Variants in WNT5B observed in about 807,000 individuals in gnomAD.
WNT5B encodes protein Wnt-5b.
Under a neutral mutation model 36.5 loss-of-function variants are expected in WNT5B, and 18 were observed. The observed-to-expected ratio is 0.49, with a 90% CI of 0.34 to 0.73. The LOEUF (loss-of-function observed/expected upper bound fraction) is 0.73, where lower values mean the gene tolerates loss of function less well. Ranked by LOEUF, WNT5B falls within the 30% of genes least tolerant of loss-of-function variation. WNT5B has a pLI of 0.01. For synonymous variants in WNT5B, 213 were observed against 212.3 expected (o/e 1.00, Z -0.03); for missense variants, 424 against 508.4 (o/e 0.83, Z 1.60).
At chr12:1,636,331 C>T (rs2094560534) in intron 3 of WNT5B, among the ~76,000 whole-genome samples, 1 of 151,620 alleles carries the variant, frequency 6.6e-6, no homozygotes, top group Non-Finnish European at 1.5e-5. Context: ...TTAACTGTCA[C>T]TCTGCGTACC....
intron 4 of WNT5B, 70 bp from the exon 5 acceptor site, chr12:1,645,724 T>C: frequency 6.8e-7 from 1 of 1,474,044 alleles, no homozygotes; most frequent in Non-Finnish European, 9.1e-7. Flanking sequence ...GGCCTGTGGC[T>C]ACCCCAGCCA....
In WNT5B at chr12:1,646,278, CT is replaced by C; in HGVS notation, c.*27del. On this transcript the variant is annotated 3_prime_UTR_variant, in exon 5 of 5. Transcript: ENST00000397196. ...CCCGGAGGGCCTGCTCCCGGCCCCC[CT>C]GCACTCTGCCTCACAAAGGTCTATA... The C allele has an allele frequency of 6.4e-7, 1 of 1,571,682 alleles. No individual in the cohort carries two copies. The highest frequency in any genetic ancestry group is 8.6e-7 in the Non-Finnish European group (1 of 1,160,040).
In WNT5B at chr12:1,645,833, G is replaced by A. The variant is rs745511323; in HGVS notation, c.661G>A (p.Gly221Ser). The A allele has an allele frequency of 3.7e-6, 6 of 1,602,842 alleles. No homozygotes were observed. Among genetic ancestry groups the A allele is most frequent in the South Asian group, 2.2e-5 (2 of 90,222 alleles). ...GGCAGACGTAGCCTGCAAATGCCACGGCGTCTCGGGGTCCTGCAGCCTCAA... is the reference window on the plus strand; with the variant it reads ...GGCAGACGTAGCCTGCAAATGCCACAGCGTCTCGGGGTCCTGCAGCCTCAA... Reference protein sequence around the residue: ...KMADVACKCHGVSGSCSLKTC... With the variant: ...KMADVACKCHSVSGSCSLKTC... The change falls in exon 5 of 5, where the codon GGC becomes AGC. Residue 221 changes from glycine (G) to serine (S), a missense_variant. Gly to Ser is a moderately conservative substitution (Grantham distance 56). Transcript: ENST00000397196.
intron 4 of WNT5B, among the ~76,000 whole-genome samples, chr12:1,642,475 T>TG (rs1230195937): frequency 6.6e-6 from 1 of 152,230 alleles, no homozygotes; most frequent in Non-Finnish European, 1.5e-5. Flanking sequence ...TAGGTTCCTG[T>TG]GGGCAGGGAT....
chr12:1,623,489 C>T (rs1289096444), intron 1 of WNT5B, among the ~76,000 whole-genome samples: 3 of 152,118 alleles, frequency 2.0e-5, no homozygotes. Flanking sequence ...GCCACCGCGC[C>T]CGGCCTCTTT....
At chr12:1,628,305 G>T (rs2094544060), upstream of WNT5B, among the ~76,000 whole-genome samples, 1 of 152,108 alleles carries the variant, frequency 6.6e-6, no homozygotes, top group Non-Finnish European at 1.5e-5. Flanking sequence ...GCAGGCATGT[G>T]CCACCACATC....
At chr12:1,621,650 TCCCGCTTCAGCCTCC>T in intron 1 of WNT5B, among the ~76,000 whole-genome samples, 1 of 151,458 alleles carries the variant, frequency 6.6e-6, no homozygotes, top group Non-Finnish European at 1.5e-5. Context: ...CCTGTGATCC[TCCCGCTTCAGCCTCC>T]TAAGTAGCTA....
In WNT5B at chr12:1,646,293, C is replaced by T; in HGVS notation, c.*41C>T. 6.6e-7 allele frequency: 1 copy of T among 1,512,510 alleles called. No homozygotes were observed. The highest frequency in any genetic ancestry group is 8.9e-7 in the Non-Finnish European group (1 of 1,124,666). The allele number at this position is 1,512,510 out of a possible 1,614,324, so 93.7% of individuals were successfully genotyped here. The stretch of plus-strand genomic sequence containing the variant: ...CCCGGCCCCCCTGCACTCTGCCTCA[C>T]AAAGGTCTATATTATATAAATCTAT... On this transcript the variant is annotated 3_prime_UTR_variant, in exon 5 of 5. Coordinates refer to ENST00000397196, the MANE Select transcript of WNT5B (RefSeq NM_032642.3).
intron 3 of WNT5B, among the ~76,000 whole-genome samples, chr12:1,636,838 C>G (rs756804684): frequency 4.0e-4 from 61 of 152,048 alleles, no homozygotes; most frequent in Non-Finnish European, 8.7e-4. Flanking sequence ...GTCTCAGCCT[C>G]CTGAGTAGCT....
At chr12:1,635,086 C>CT (rs1314828894) in intron 3 of WNT5B, among the ~76,000 whole-genome samples, 1 of 152,226 alleles carries the variant, frequency 6.6e-6, no homozygotes, top group Non-Finnish European at 1.5e-5. Flanking sequence ...GTAGATGGTA[C>CT]TTAGTAGGCT....
chr12:1,645,883 G>A lies in WNT5B; in HGVS notation c.711G>A (p.Glu237=), dbSNP rs767770492. The A allele has an allele frequency of 6.2e-7, 1 of 1,611,576 alleles. No homozygotes were observed. The highest frequency in any genetic ancestry group is 8.5e-7 in the Non-Finnish European group (1 of 1,179,554). The part of the protein sequence containing the change: ...SLKTCWLQLA[E]FRKVGDRLKE... ...AGACCTGCTGGCTGCAGCTGGCCGA[G>A]TTCCGCAAGGTCGGGGACCGGCTGA... Residue 237 remains glutamate (E), a synonymous_variant, in exon 5 of 5, where the codon GAG becomes GAA. Transcript: ENST00000397196.
At chr12:1,622,036 C>G (rs963241088) in intron 1 of WNT5B, among the ~76,000 whole-genome samples, 1 of 151,830 alleles carries the variant, frequency 6.6e-6, no homozygotes, top group Non-Finnish European at 1.5e-5. Context: ...TAAAAGCCCT[C>G]ATATTCTTCA....
At position 1,641,512 on chromosome 12, in the gene WNT5B, CT is replaced by C. The variant is rs542199498; in HGVS notation, c.621+1537del. ...ACATAGCAAAATCTTAAAATGTGAA[CT>C]CATGAGAGGCGGGGCACGGTGGCTG... is the stretch of plus-strand genomic sequence containing the variant. On this transcript the variant is annotated intron_variant, in intron 4 of 4. Transcript: ENST00000397196. Among the ~76,000 whole-genome samples the C allele has an allele frequency of 5.1e-3, 775 of 152,062 alleles. 3 individuals are homozygous for C. Among genetic ancestry groups the C allele is most frequent in the African/African-American group, 0.016 (668 of 41,462 alleles).
chr12:1,646,213 G>A lies in WNT5B; in HGVS notation c.1041G>A (p.Lys347=), dbSNP rs747010208. The part of the protein sequence containing the change: ...KFHWCCFVRC[K]KCTEIVDQYI... Reference sequence around the variant, plus strand: ...ACTGGTGCTGCTTCGTCAGGTGTAAGAAGTGCACGGAGATCGTGGACCAGT... The same window carrying A: ...ACTGGTGCTGCTTCGTCAGGTGTAAAAAGTGCACGGAGATCGTGGACCAGT... Residue 347 remains lysine, a synonymous_variant, in exon 5 of 5, where the codon AAG becomes AAA. Transcript: ENST00000397196. 18 of 1,613,562 alleles carry A rather than the reference G, an allele frequency of 1.1e-5. No individual in the cohort carries two copies. Among genetic ancestry groups the A allele is most frequent in the Non-Finnish European group, 1.4e-5 (17 of 1,179,978 alleles).
At chr12:1,623,561 C>T (rs1180657078) in intron 1 of WNT5B, among the ~76,000 whole-genome samples, 2 of 152,042 alleles carry the variant, frequency 1.3e-5, no homozygotes, top group African/African-American at 2.4e-5. Context: ...GCTCCTCGAT[C>T]GCTATATCTA....
rs983951340 is a variant in WNT5B, at chr12:1,630,391, G to A, written c.-57-907G>A. Among the ~76,000 whole-genome samples, 2 of 152,200 alleles carry A rather than the reference G, an allele frequency of 1.3e-5. No individual in the cohort carries two copies. The highest frequency in any genetic ancestry group is 4.8e-5 in the African/African-American group (2 of 41,456). On this transcript the variant is annotated intron_variant, in intron 1 of 4. Coordinates refer to ENST00000397196, the MANE Select transcript of WNT5B (RefSeq NM_032642.3). This position sits in a 1 kb window ranked among gnomAD's most constrained non-coding sequence, Gnocchi z 5.3. ...GGCCTGGGGACAGGGGCTCTCGGGG[G>A]CGGATAGAGGAACAGGCGTGGGTTA...
chr12:1,619,163 C>A (rs2094530633), intron 1 of WNT5B, among the ~76,000 whole-genome samples: 1 of 145,438 alleles, frequency 6.9e-6, no homozygotes, highest in Non-Finnish European at 1.5e-5. Flanking sequence ...TCTTCTCCTG[C>A]AAGCCAGAGA....
Position 1,632,614 on chromosome 12 carries a change from T to A in WNT5B, c.81-44T>A, listed in dbSNP as rs1465830811. The stretch of plus-strand genomic sequence containing the variant: ...CTTAATGCTGCACACAGGCGTATGC[T>A]CACTCCTGGGCCTTTTTTTCCCCTT... On this transcript the variant is annotated intron_variant, in intron 2 of 4. Transcript: ENST00000397196. This position sits in a 1 kb window ranked among gnomAD's most constrained non-coding sequence, Gnocchi z 5.8. 2 of 1,566,696 alleles carry A rather than the reference T, an allele frequency of 1.3e-6. No homozygotes were observed. Among genetic ancestry groups the A allele is most frequent in the Non-Finnish European group, 1.7e-6 (2 of 1,149,730 alleles).
chr12:1,634,022 A>G lies in WNT5B; in HGVS notation c.328+1117A>G, dbSNP rs531816639. Among the ~76,000 whole-genome samples the G allele has an allele frequency of 9.2e-4, 140 of 152,304 alleles. 1 individual carries two copies. The highest frequency in any genetic ancestry group is 6.8e-3 in the Middle Eastern group (2 of 294). On this transcript the variant is annotated intron_variant, in intron 3 of 4. Coordinates refer to ENST00000397196, the MANE Select transcript of WNT5B (RefSeq NM_032642.3). ...GGAGTTCAAGACCAGCCTGGGTAAC[A>G]TAGTGAGACCTCTGTCTCTATAAAA...
Sources: gnomAD v4.1 joint callset for allele counts (sites outside exome capture counted in the v4.1 genomes callset) on GRCh38, gnomAD v4.1.1 for gene constraint, Gnocchi (gnomAD v3.1) non-coding constraint, MANE v1.5 for transcripts, NCBI Gene and HGNC (gene_info 2026-07-23, HGNC 2026-07-21) for gene names.